SPAG6: variants seen among roughly 807,000 people sequenced by gnomAD.
SPAG6 encodes sperm associated antigen 6.
A neutral mutation model predicts 58.5 loss-of-function variants in SPAG6; 49 were observed. The observed-to-expected ratio is 0.84, with a 90% confidence interval of 0.67 to 1.06. SPAG6 has a LOEUF of 1.06. Ranked by LOEUF, SPAG6 falls within the 50% of genes least tolerant of loss-of-function variation. SPAG6 has a pLI of 0.00. For missense variants in SPAG6, 560 were observed against 611.3 expected (o/e 0.92, Z 0.89); for synonymous variants, 233 against 225.6 (o/e 1.03, Z -0.29).
chr10:22,361,999 T>C (rs1322160377), intron 2 of SPAG6, among the ~76,000 whole-genome samples: 1 of 146,976 alleles, frequency 6.8e-6, no homozygotes, highest in Non-Finnish European at 1.5e-5. Context: ...TAAATATATA[T>C]ATTTATTTCA....
At chr10:22,388,986 A>C (rs1834126468) in intron 6 of SPAG6, among the ~76,000 whole-genome samples, 174 bp from the exon 7 acceptor site, 1 of 152,202 alleles carries the variant, frequency 6.6e-6, no homozygotes, top group South Asian at 2.1e-4. Flanking sequence ...TGTGCATTTG[A>C]ACTAGCAGGT....
chr10:22,394,114 A>G (rs931744718), intron 8 of SPAG6, among the ~76,000 whole-genome samples: 16 of 152,176 alleles, frequency 1.1e-4, no homozygotes, highest in African/African-American at 3.6e-4. Flanking sequence ...TTGAATTGTA[A>G]GAGTTCTTTG....
At chr10:22,375,823 C>T (rs1191170747) in intron 4 of SPAG6, among the ~76,000 whole-genome samples, 2 of 152,190 alleles carry the variant, frequency 1.3e-5, no homozygotes, top group East Asian at 1.9e-4. Context: ...GTCATCCTCC[C>T]GCCTTGGCCT....
chr10:22,395,052 C>T (rs1033351709), intron 8 of SPAG6, among the ~76,000 whole-genome samples: 1 of 152,064 alleles, frequency 6.6e-6, no homozygotes, highest in Non-Finnish European at 1.5e-5. Flanking sequence ...TTTCACAGTT[C>T]GTCCATGTTG....
At chr10:22,399,736 T>A (rs1834368772) in intron 8 of SPAG6, among the ~76,000 whole-genome samples, 2 of 152,214 alleles carry the variant, frequency 1.3e-5, no homozygotes, top group Admixed American at 6.5e-5. Context: ...TTAGAACTAC[T>A]AGAATAAGGC....
intron 8 of SPAG6, among the ~76,000 whole-genome samples, chr10:22,400,338 T>A (rs1394527646): frequency 6.6e-6 from 1 of 152,000 alleles, no homozygotes; most frequent in Non-Finnish European, 1.5e-5. Flanking sequence ...ACCCAATTGT[T>A]GTGAAGCTTT....
intron 4 of SPAG6, among the ~76,000 whole-genome samples, chr10:22,382,775 C>G (rs1035339901): frequency 1.3e-5 from 2 of 152,072 alleles, no homozygotes; most frequent in African/African-American, 4.8e-5. Flanking sequence ...TTCTTTGTAA[C>G]AATAATGTTA....
chr10:22,399,710 T>C (rs1201966330), intron 8 of SPAG6, among the ~76,000 whole-genome samples: 1 of 152,336 alleles, frequency 6.6e-6, no homozygotes, highest in Non-Finnish European at 1.5e-5. Flanking sequence ...GATTAATAAC[T>C]TGACAATACA....
At chr10:22,352,990 T>C (rs1043928527) in intron 2 of SPAG6, among the ~76,000 whole-genome samples, 3 of 152,242 alleles carry the variant, frequency 2.0e-5, no homozygotes, top group African/African-American at 7.2e-5. Flanking sequence ...ATCTTCAACC[T>C]ACATTTCTGA....
At position 22,377,365 on chromosome 10, in the gene SPAG6, G is replaced by A. The variant is rs571750586; in HGVS notation, c.472+8687G>A. Among the ~76,000 whole-genome samples the A allele has an allele frequency of 2.7e-4, 41 of 152,288 alleles. 1 individual carries two copies. In the South Asian group the frequency reaches 7.3e-3, roughly 27 times the overall value. ...TAAGCTGCTCCTGAGTTCTTGACCC[G>A]CAGAAACTCTGAAATAATAAGTGAT... On this transcript the variant is annotated intron_variant, in intron 4 of 10. Transcript: ENST00000376624.
chr10:22,402,923 T>G (rs1262169862), intron 9 of SPAG6, among the ~76,000 whole-genome samples: 3 of 152,312 alleles, frequency 2.0e-5, no homozygotes, highest in South Asian at 2.1e-4. Context: ...TCTGAAAGTT[T>G]CATTTTGTAG....
At chr10:22,411,827 T>C (rs1323880674) in intron 10 of SPAG6, among the ~76,000 whole-genome samples, 3 of 149,556 alleles carry the variant, frequency 2.0e-5, no homozygotes, top group Non-Finnish European at 4.4e-5. Context: ...GAGAATGATT[T>C]AAACAACTGA....
At position 22,416,948 on chromosome 10, in the gene SPAG6, G is replaced by A. The variant is rs1834880512; in HGVS notation, c.*260G>A. The A allele has an allele frequency of 3.4e-6, 1 of 292,938 alleles. No individual in the cohort carries two copies. The highest frequency in any genetic ancestry group is 6.5e-6 in the Non-Finnish European group (1 of 153,630). The allele number at this position is 292,938 out of a possible 1,614,324, so 18.1% of individuals were successfully genotyped here. On this transcript the variant is annotated 3_prime_UTR_variant, in exon 11 of 11. Coordinates refer to ENST00000376624, the MANE Select transcript of SPAG6 (RefSeq NM_012443.4). ...ACGTTAAAGGGCCTTAAGGCATTTT[G>A]TTATTCTGTTAAAAACCACACACAC...
At chr10:22,371,924 A>G (rs1018999641) in intron 4 of SPAG6, among the ~76,000 whole-genome samples, 17 of 151,966 alleles carry the variant, frequency 1.1e-4, no homozygotes, top group African/African-American at 3.6e-4. Context: ...TTTTTTTTCC[A>G]ACTGTGTACA....
At chr10:22,351,282 C>CT (rs1251338821) in intron 2 of SPAG6, among the ~76,000 whole-genome samples, 1 of 152,204 alleles carries the variant, frequency 6.6e-6, no homozygotes, top group Non-Finnish European at 1.5e-5. Flanking sequence ...CCTCAGAACT[C>CT]TAGAGGGCCT....
Position 22,414,035 on chromosome 10 carries a change from G to A in SPAG6, c.1461-2584G>A, listed in dbSNP as rs867123900. ...AAAGGTAGGTAAATGAGAGGAAAGG[G>A]GTCTGGACTAGACATTAGAAGACCT... On this transcript the variant is annotated intron_variant, in intron 10 of 10. Transcript: ENST00000376624. Among the ~76,000 whole-genome samples, 8 of 152,000 alleles carry A rather than the reference G, an allele frequency of 5.3e-5. No homozygotes were observed. The Middle Eastern group carries it at 0.014, about 259-fold the overall frequency.
intron 10 of SPAG6, among the ~76,000 whole-genome samples, chr10:22,415,435 T>A (rs1255400355): frequency 6.6e-6 from 1 of 152,180 alleles, no homozygotes; most frequent in Non-Finnish European, 1.5e-5. Context: ...AAGAAGCAGT[T>A]GTGAATTTCT....
At chr10:22,352,207 G>T (rs947284305) in intron 2 of SPAG6, among the ~76,000 whole-genome samples, 1 of 151,340 alleles carries the variant, frequency 6.6e-6, no homozygotes, top group African/African-American at 2.4e-5. Flanking sequence ...GTGTGTGCGT[G>T]TATGTGTGTG....
chr10:22,350,370 A>G (rs1836687877), intron 2 of SPAG6, among the ~76,000 whole-genome samples: 1 of 152,154 alleles, frequency 6.6e-6, no homozygotes, highest in Non-Finnish European at 1.5e-5. Flanking sequence ...TTGTTAGCTG[A>G]GCATTGGTAC....
Sources: gnomAD v4.1 joint callset for allele counts (sites outside exome capture counted in the v4.1 genomes callset) on GRCh38, gnomAD v4.1.1 for gene constraint, MANE v1.5 for transcripts, NCBI Gene and HGNC (gene_info 2026-07-23, HGNC 2026-07-21) for gene names.